NELL1: variants seen among roughly 807,000 people sequenced by gnomAD.
NELL1 encodes the protein protein kinase C-binding protein NELL1.
NELL1 carries 76 observed loss-of-function variants against 107.4 expected under a neutral mutation model. The observed-to-expected ratio is 0.71, with a 90% CI of 0.59 to 0.86. The LOEUF is 0.86. NELL1 is among the 40% of genes least tolerant of loss of function. The probability of loss-of-function intolerance (pLI) is 0.00; values close to 1 mark genes in which losing one functional copy is unlikely to be tolerated. For missense variants in NELL1, 1,024 were observed against 1,005.5 expected (o/e 1.02, Z -0.25); for synonymous variants, 353 against 341.2 (o/e 1.03, Z -0.38).
At chr11:21,120,769 C>A (rs967313018) in intron 13 of NELL1, among the ~76,000 whole-genome samples, 1 of 152,054 alleles carries the variant, frequency 6.6e-6, no homozygotes, top group Non-Finnish European at 1.5e-5. Flanking sequence ...CAAGAAAAGT[C>A]AAAATAAAGC....
intron 15 of NELL1, among the ~76,000 whole-genome samples, chr11:21,423,007 C>T (rs1852726804): frequency 6.6e-6 from 1 of 152,086 alleles, no homozygotes; most frequent in South Asian, 2.1e-4. Flanking sequence ...ATTCCACGCT[C>T]ATAGTAAAAA....
chr11:21,200,319 C>A (rs903862462), intron 13 of NELL1, among the ~76,000 whole-genome samples: 1 of 152,092 alleles, frequency 6.6e-6, no homozygotes, highest in African/African-American at 2.4e-5. Context: ...TGTTTCCTGA[C>A]TTTTTAATGA....
chr11:21,240,052 A>G (rs915616873), intron 14 of NELL1, among the ~76,000 whole-genome samples: 6 of 152,160 alleles, frequency 3.9e-5, no homozygotes, highest in South Asian at 2.1e-4. Context: ...ATTCCTCCTC[A>G]TAAGGGCAAA....
Position 21,558,981 on chromosome 11 carries a change from C to A in NELL1, c.1787-1208C>A, listed in dbSNP as rs1856787417. Among the ~76,000 whole-genome samples the A allele has an allele frequency of 2.0e-5, 3 of 152,180 alleles. No homozygotes were observed. In the South Asian group the frequency reaches 6.2e-4, roughly 32 times the overall value. On this transcript the variant is annotated intron_variant, in intron 16 of 19. Transcript: ENST00000357134. ...TATAGTGAGGCTTGATTTTAGTTGA[C>A]TTACCATACAGGCATCATAATTTGG... is the stretch of plus-strand genomic sequence containing the variant.
chr11:20,892,696 C>T (rs558014692), intron 5 of NELL1, among the ~76,000 whole-genome samples: 18 of 152,232 alleles, frequency 1.2e-4, no homozygotes, highest in African/African-American at 4.3e-4. Flanking sequence ...TTTGGGAGGC[C>T]GAGGTGGGTG....
chr11:20,736,318 A>G (rs970297819), intron 2 of NELL1, among the ~76,000 whole-genome samples: 1 of 152,158 alleles, frequency 6.6e-6, no homozygotes, highest in Non-Finnish European at 1.5e-5. Context: ...CTTCTCCTAT[A>G]TGGGCTACTC....
chr11:20,674,881 G>T (rs1029831149), intron 1 of NELL1, among the ~76,000 whole-genome samples: 1 of 152,198 alleles, frequency 6.6e-6, no homozygotes, highest in Non-Finnish European at 1.5e-5. Flanking sequence ...ATCGTAGAAG[G>T]TCTTTAGTCC....
chr11:20,676,376 G>A (rs1017482070), intron 1 of NELL1, among the ~76,000 whole-genome samples: 14 of 151,926 alleles, frequency 9.2e-5, no homozygotes, highest in East Asian at 3.9e-4. Context: ...ACAGGAATGC[G>A]AGCTCCATGT....
intron 13 of NELL1, among the ~76,000 whole-genome samples, chr11:21,157,161 A>ATATATGTGTGTG (rs372420048): frequency 3.3e-5 from 5 of 149,626 alleles, no homozygotes; most frequent in African/African-American, 1.2e-4. Flanking sequence ...ATATATATAT[A>ATATATGTGTGTG]TGTGTGTGTG....
intron 14 of NELL1, among the ~76,000 whole-genome samples, chr11:21,244,351 G>A (rs1190917904): frequency 1.3e-5 from 2 of 152,068 alleles, no homozygotes; most frequent in African/African-American, 4.8e-5. Context: ...CTCTCTTACA[G>A]CCATTAGACA....
chr11:21,451,227 G>GA (rs1254511007), intron 15 of NELL1, among the ~76,000 whole-genome samples: 5 of 146,524 alleles, frequency 3.4e-5, no homozygotes, highest in African/African-American at 1.0e-4. Context: ...AAAAGAAAAA[G>GA]AAAAAAGAAA....
chr11:21,146,032 A>G (rs1007130717), intron 13 of NELL1, among the ~76,000 whole-genome samples: 2 of 152,186 alleles, frequency 1.3e-5, no homozygotes, highest in South Asian at 4.1e-4. Flanking sequence ...CTTGGACAAT[A>G]TAAGTGAAGG....
At chr11:20,886,429 C>A (rs905031498) in intron 5 of NELL1, among the ~76,000 whole-genome samples, 1 of 151,898 alleles carries the variant, frequency 6.6e-6, no homozygotes, top group African/African-American at 2.4e-5. Flanking sequence ...AATCCTTCTG[C>A]TTCAAAATGA....
chr11:21,218,787 A>C (rs1218546196), intron 13 of NELL1, among the ~76,000 whole-genome samples: 1 of 152,178 alleles, frequency 6.6e-6, no homozygotes, highest in Non-Finnish European at 1.5e-5. Context: ...TAATGTCTTC[A>C]AAGCTCATCG....
chr11:21,163,882 G>T (rs1012124387), intron 13 of NELL1, among the ~76,000 whole-genome samples: 2 of 151,716 alleles, frequency 1.3e-5, no homozygotes, highest in Admixed American at 1.3e-4. Flanking sequence ...GGGGGTTAAG[G>T]CTTCAATATA....
intron 12 of NELL1, among the ~76,000 whole-genome samples, chr11:21,039,229 G>A (rs1335237923): frequency 5.3e-5 from 8 of 151,246 alleles, no homozygotes; most frequent in Admixed American, 2.0e-4. Flanking sequence ...GCTGTCTCCC[G>A]GGCTGGAGTG....
chr11:21,133,339 G>GGCAGAACTGACAGCCCAGCCC (rs1412364324), intron 13 of NELL1, among the ~76,000 whole-genome samples: 1 of 152,118 alleles, frequency 6.6e-6, no homozygotes, highest in Non-Finnish European at 1.5e-5. Flanking sequence ...CATTCCAGTT[G>GGCAGAACTGACAGCCCAGCCC]GCAGAACTGA....
At chr11:20,717,801 A>G (rs2133904323) in intron 2 of NELL1, among the ~76,000 whole-genome samples, 1 of 152,242 alleles carries the variant, frequency 6.6e-6, no homozygotes, top group South Asian at 2.1e-4. Context: ...TCCCCCAGTA[A>G]ATAATAAATA....
intron 15 of NELL1, among the ~76,000 whole-genome samples, chr11:21,488,834 A>G (rs950784626): frequency 8.5e-5 from 13 of 152,250 alleles, no homozygotes; most frequent in Non-Finnish European, 1.9e-4. Context: ...ATCAAAAAAA[A>G]AGAAAGATTT....
Sources: allele counts gnomAD v4.1 joint callset (sites outside exome capture counted in the v4.1 genomes callset), GRCh38; gene constraint gnomAD v4.1.1; transcripts MANE v1.5; gene names NCBI Gene and HGNC (gene_info 2026-07-23, HGNC 2026-07-21).